The following CPED1 variants were observed in gnomAD, a reference collection of about 807,000 sequenced individuals.
CPED1 encodes cadherin like and PC-esterase domain containing 1, also known as cadherin-like and PC-esterase domain-containing protein 1.
A neutral mutation model predicts 128.2 loss-of-function variants in CPED1; 114 were observed. The ratio of observed to expected loss-of-function variants is 0.89; its 90% CI spans 0.76 to 1.04. CPED1 has a LOEUF of 1.04. CPED1 is among the 50% of genes least tolerant of loss of function. CPED1 has a pLI of 0.00. For missense variants in CPED1, 1,211 were observed against 1,207.1 expected (o/e 1.00, Z -0.05); for synonymous variants, 462 against 426.7 (o/e 1.08, Z -1.02).
At chr7:121,025,741 CT>C (rs1792562359) in intron 3 of CPED1, among the ~76,000 whole-genome samples, 1 of 151,818 alleles carries the variant, frequency 6.6e-6, no homozygotes, top group South Asian at 2.1e-4. Context: ...CATTTTTTTC[CT>C]TTTCTTGATA....
At position 121,139,378 on chromosome 7, in the gene CPED1, G is replaced by A. The variant is rs1213124779; in HGVS notation, c.1700-1449G>A. ...AGCCTGAGAAAACTATAGAGTATAG[G>A]TCAGAAATATATAGGGTTTTTTTTT... On this transcript the variant is annotated intron_variant, in intron 14 of 22. Transcript: ENST00000310396. Among the ~76,000 whole-genome samples the A allele has an allele frequency of 6.6e-5, 10 of 151,390 alleles. No individual in the cohort carries two copies. The South Asian group carries it at 1.9e-3, about 28-fold the overall frequency.
chr7:121,127,279 GATAA>G, intron 10 of CPED1, 22 bp downstream of exon 10: 2 of 1,427,138 alleles, frequency 1.4e-6, no homozygotes, highest in South Asian at 1.3e-5. Flanking sequence ...TTTGTGTACT[GATAA>G]ATATTTTTTC....
intron 16 of CPED1, among the ~76,000 whole-genome samples, chr7:121,236,058 A>G (rs184091575): frequency 2.6e-5 from 4 of 152,280 alleles, no homozygotes; most frequent in African/African-American, 7.2e-5. Context: ...AGCTAAGAGA[A>G]AATGAGACTG....
At chr7:121,295,340 A>G in intron 22 of CPED1, 100 bp from the exon 23 acceptor site, 2 of 1,391,578 alleles carry the variant, frequency 1.4e-6, no homozygotes, top group East Asian at 2.5e-5. Context: ...TTTTAGCAAC[A>G]TCTGTGTGGC....
At chr7:121,076,376 G>T (rs1794125017) in intron 5 of CPED1, among the ~76,000 whole-genome samples, 1 of 152,164 alleles carries the variant, frequency 6.6e-6, no homozygotes, top group African/African-American at 2.4e-5. Context: ...AAACTAGGTA[G>T]AAAGATAGTA....
chr7:121,003,959 T>C (rs1366424587), intron 2 of CPED1, among the ~76,000 whole-genome samples: 1 of 152,192 alleles, frequency 6.6e-6, no homozygotes, highest in Admixed American at 6.5e-5. Context: ...ACTTCTTTTA[T>C]GTGGAATGTG....
chr7:121,204,881 C>A lies in CPED1; in HGVS notation c.2056-31833C>A, dbSNP rs1040935584. 3.7e-4 allele frequency among the ~76,000 whole-genome samples: 56 copies of A among 152,098 alleles called. 1 individual carries two copies. Among genetic ancestry groups the A allele is most frequent in the African/African-American group, 1.4e-3 (56 of 41,432 alleles). On this transcript the variant is annotated intron_variant, in intron 16 of 22. Transcript: ENST00000310396. Reference sequence around the variant, plus strand: ...TTTATATAGCTATTAATGTTCCTTTCCTGCAGAAAACGGTCAGATAAATAT... The same window carrying A: ...TTTATATAGCTATTAATGTTCCTTTACTGCAGAAAACGGTCAGATAAATAT...
At chr7:121,263,521 A>G (rs566691851) in intron 18 of CPED1, among the ~76,000 whole-genome samples, 2 of 152,180 alleles carry the variant, frequency 1.3e-5, no homozygotes, top group South Asian at 4.1e-4. Flanking sequence ...ACATAATGAA[A>G]TGAACCCTTG....
chr7:121,046,860 T>C, intron 3 of CPED1, 27 bp from the exon 4 acceptor site: 3 of 1,419,282 alleles, frequency 2.1e-6, no homozygotes, highest in Non-Finnish European at 2.9e-6. Flanking sequence ...GAAAACTTAT[T>C]TGTTTTGAAT....
At chr7:121,107,649 G>A (rs573122906) in intron 7 of CPED1, among the ~76,000 whole-genome samples, 26 of 152,142 alleles carry the variant, frequency 1.7e-4, no homozygotes, top group Admixed American at 8.5e-4. Flanking sequence ...AAAATTAATC[G>A]CTTTAATGCT....
At chr7:121,147,085 A>G (rs755789827) in intron 16 of CPED1, among the ~76,000 whole-genome samples, 10 of 152,174 alleles carry the variant, frequency 6.6e-5, no homozygotes, top group African/African-American at 1.9e-4. Context: ...GGACAAAGTC[A>G]ACCCTGATTG....
intron 22 of CPED1, among the ~76,000 whole-genome samples, chr7:121,276,345 G>A (rs540971079): frequency 1.3e-5 from 2 of 151,962 alleles, no homozygotes; most frequent in Non-Finnish European, 2.9e-5. Flanking sequence ...ACCAAATCCT[G>A]TTTACAAGCT....
chr7:121,197,042 T>C (rs1335125686), intron 16 of CPED1, among the ~76,000 whole-genome samples: 2 of 152,098 alleles, frequency 1.3e-5, no homozygotes, highest in African/African-American at 2.4e-5. Flanking sequence ...AATAATGTTC[T>C]TTCATAAAGT....
chr7:121,255,689 C>T (rs1036657964), intron 18 of CPED1, among the ~76,000 whole-genome samples: 7 of 151,932 alleles, frequency 4.6e-5, no homozygotes, highest in African/African-American at 1.4e-4. Context: ...GCTCTTAGAA[C>T]TAATAAACAA....
chr7:121,123,475 A>G (rs974451358), intron 7 of CPED1, among the ~76,000 whole-genome samples: 1 of 152,146 alleles, frequency 6.6e-6, no homozygotes, highest in African/African-American at 2.4e-5. Context: ...TTTGTTCTTC[A>G]TCTTTAAAAG....
intron 16 of CPED1, among the ~76,000 whole-genome samples, chr7:121,147,699 C>G (rs1796058682): frequency 6.6e-6 from 1 of 151,972 alleles, no homozygotes; most frequent in African/African-American, 2.4e-5. Context: ...ATAAAAGCTA[C>G]AGGAAGGTTA....
chr7:121,230,028 A>C (rs1337125573), intron 16 of CPED1, among the ~76,000 whole-genome samples: 1 of 152,066 alleles, frequency 6.6e-6, no homozygotes, highest in Non-Finnish European at 1.5e-5. Flanking sequence ...GAATTATTTC[A>C]AGCAACAAAG....
At chr7:121,055,663 G>C (rs1292645469) in intron 4 of CPED1, among the ~76,000 whole-genome samples, 1 of 151,062 alleles carries the variant, frequency 6.6e-6, no homozygotes. Context: ...TTCTGTTGTT[G>C]CTAGTAAAAA....
chr7:121,126,833 A>G (rs998018942), intron 9 of CPED1, among the ~76,000 whole-genome samples: 3 of 152,176 alleles, frequency 2.0e-5, no homozygotes, highest in Non-Finnish European at 2.9e-5. Flanking sequence ...TTCTTCAGCT[A>G]TAAAGGGTAT....
Sources: allele counts gnomAD v4.1 joint callset (sites outside exome capture counted in the v4.1 genomes callset), GRCh38; gene constraint gnomAD v4.1.1; transcripts MANE v1.5; gene names NCBI Gene and HGNC (gene_info 2026-07-23, HGNC 2026-07-21).